The following WASF1 variants were observed in gnomAD, a reference collection of about 807,000 sequenced individuals.
WASF1 encodes actin-binding protein WASF1.
WASF1 carries 7 observed loss-of-function variants against 50.5 expected under a neutral mutation model. The ratio of observed to expected loss-of-function variants is 0.14; its 90% CI spans 0.08 to 0.26. The LOEUF (loss-of-function observed/expected upper bound fraction) is 0.26, where lower values mean the gene tolerates loss of function less well. Ranked by LOEUF, WASF1 falls within the 10% of genes least tolerant of loss-of-function variation. The probability of loss-of-function intolerance (pLI) is 1.00; values close to 1 mark genes in which losing one functional copy is unlikely to be tolerated. For synonymous variants in WASF1, 205 were observed against 244.0 expected (o/e 0.84, Z 1.49); for missense variants, 470 against 694.7 (o/e 0.68, Z 3.64).
intron 9 of WASF1, 147 bp downstream of exon 9, chr6:110,103,231 T>C (rs904136115): frequency 2.7e-6 from 2 of 735,192 alleles, no homozygotes; most frequent in Non-Finnish European, 4.3e-6. Context: ...GTATATTCTA[T>C]GGTGGCTTTC....
chr6:110,174,563 C>T (rs911516214), intron 2 of WASF1, among the ~76,000 whole-genome samples: 4 of 152,154 alleles, frequency 2.6e-5, no homozygotes, highest in Admixed American at 2.0e-4. Flanking sequence ...AGTTCTGAAA[C>T]AATCTGGGCT....
intron 2 of WASF1, among the ~76,000 whole-genome samples, chr6:110,173,238 T>A (rs2114626736): frequency 6.6e-6 from 1 of 152,226 alleles, no homozygotes; most frequent in Admixed American, 6.5e-5. Flanking sequence ...GTAACTTTAT[T>A]GGAGTAGACC....
intron 7 of WASF1, 49 bp from the exon 8 acceptor site, chr6:110,105,628 T>A: frequency 6.4e-7 from 1 of 1,562,368 alleles, no homozygotes; most frequent in Non-Finnish European, 8.7e-7. Flanking sequence ...CGCTAATTTT[T>A]AAAAAGGAGG....
intron 4 of WASF1, among the ~76,000 whole-genome samples, chr6:110,122,074 T>C (rs1774160945): frequency 6.6e-6 from 1 of 151,750 alleles, no homozygotes; most frequent in East Asian, 1.9e-4. Flanking sequence ...TAGGAAAAAA[T>C]ACCTAATGTA....
intron 8 of WASF1, among the ~76,000 whole-genome samples, chr6:110,104,261 C>T (rs760679095): frequency 2.5e-4 from 38 of 152,084 alleles, no homozygotes; most frequent in Non-Finnish European, 4.9e-4. Flanking sequence ...CACAGCAAGT[C>T]AGAAATTATT....
chr6:110,121,400 A>G (rs1774117858), intron 4 of WASF1, among the ~76,000 whole-genome samples: 1 of 152,254 alleles, frequency 6.6e-6, no homozygotes, highest in Non-Finnish European at 1.5e-5. Flanking sequence ...TCCCAAAAGA[A>G]GACATTTACA....
chr6:110,122,365 A>G (rs1206881895), intron 4 of WASF1, among the ~76,000 whole-genome samples: 1 of 152,218 alleles, frequency 6.6e-6, no homozygotes, highest in African/African-American at 2.4e-5. Flanking sequence ...GAACCCTTCT[A>G]TGATACAGTA....
intron 2 of WASF1, among the ~76,000 whole-genome samples, chr6:110,167,482 G>C (rs1433105492): frequency 6.6e-6 from 1 of 151,898 alleles, no homozygotes; most frequent in Non-Finnish European, 1.5e-5. Context: ...GTAGGCCTAG[G>C]ATAAGGTGTG....
chr6:110,147,214 C>T (rs912783126), intron 3 of WASF1, among the ~76,000 whole-genome samples: 6 of 151,208 alleles, frequency 4.0e-5, no homozygotes, highest in Non-Finnish European at 5.9e-5. Flanking sequence ...GGCGTGGTGG[C>T]GGGCGCCTGT....
chr6:110,113,150 C>A (rs73535808), intron 5 of WASF1, among the ~76,000 whole-genome samples, 176 bp downstream of exon 5: 3,976 of 151,956 alleles, frequency 0.026, 168 homozygotes, highest in African/African-American at 0.09. Flanking sequence ...AAAGAAAAGC[C>A]CGGAGAATCA....
chr6:110,154,882 T>C (rs1425081496), intron 3 of WASF1, among the ~76,000 whole-genome samples: 1 of 152,104 alleles, frequency 6.6e-6, no homozygotes, highest in East Asian at 1.9e-4. Context: ...GCCTGGATCT[T>C]ATGTAAAGTT....
At chr6:110,111,710 T>C (rs1228600200) in intron 5 of WASF1, among the ~76,000 whole-genome samples, 1 of 152,130 alleles carries the variant, frequency 6.6e-6, no homozygotes, top group Admixed American at 6.5e-5. Context: ...GACAGATCCA[T>C]ACAGACAAAT....
Position 110,101,713 on chromosome 6 carries a change from T to C in WASF1, c.1397A>G (p.His466Arg), listed in dbSNP as rs546806345. Residue 466 changes from histidine (H) to arginine (R), a missense_variant, in exon 10 of 11, where the codon CAT becomes CGT. By Grantham distance (29) the His-to-Arg change is conservative (BLOSUM62 0). Around this residue, in one of 3 missense-constraint regions of WASF1, gnomAD observed 294 missense variants for 343.5 expected, o/e 0.86. Coordinates refer to ENST00000392589, the MANE Select transcript of WASF1 (RefSeq NM_003931.3). ...HPTPSTAPGP[H>R]VPLMPPSPPS... ...AGGAGATGGAGGCATTAATGGAACA[T>C]GGGGACCTGGGGCAGTAGATGGAGT... 1 of 1,613,974 alleles carries C rather than the reference T, an allele frequency of 6.2e-7. No individual in the cohort carries two copies. Among genetic ancestry groups the C allele is most frequent in the East Asian group, 2.2e-5 (1 of 44,874 alleles).
intron 3 of WASF1, among the ~76,000 whole-genome samples, chr6:110,141,501 T>C (rs932967729): frequency 6.6e-6 from 1 of 152,166 alleles, no homozygotes; most frequent in African/African-American, 2.4e-5. Flanking sequence ...GCCCTCAACA[T>C]GGATCCACAA....
At chr6:110,130,855 T>C (rs892092761) in intron 3 of WASF1, among the ~76,000 whole-genome samples, 1 of 152,246 alleles carries the variant, frequency 6.6e-6, no homozygotes, top group Non-Finnish European at 1.5e-5. Context: ...CCATAACACT[T>C]GACACTGTCA....
chr6:110,109,153 T>G (rs1040458819), intron 5 of WASF1, among the ~76,000 whole-genome samples: 1 of 152,104 alleles, frequency 6.6e-6, no homozygotes, highest in Non-Finnish European at 1.5e-5. Context: ...ATACTATAAA[T>G]ATTGTATGTG....
intron 9 of WASF1, 47 bp downstream of exon 9, chr6:110,103,331 G>C (rs762793596): frequency 6.4e-7 from 1 of 1,570,588 alleles, no homozygotes; most frequent in Non-Finnish European, 8.7e-7. Context: ...GAAAGAAAAA[G>C]CTTACTGACT....
chr6:110,169,266 A>G (rs1776595382), intron 2 of WASF1, among the ~76,000 whole-genome samples: 1 of 152,140 alleles, frequency 6.6e-6, no homozygotes, highest in Non-Finnish European at 1.5e-5. Flanking sequence ...TCTGCCAGAC[A>G]GCTCCACAGG....
At chr6:110,107,490 A>C (rs1773372472) in intron 6 of WASF1, among the ~76,000 whole-genome samples, 2 of 152,352 alleles carry the variant, frequency 1.3e-5, no homozygotes, top group South Asian at 4.1e-4. Context: ...TCCTTTGGGC[A>C]ATTCCAATAA....
Sources: gnomAD v4.1 joint callset for allele counts (sites outside exome capture counted in the v4.1 genomes callset) on GRCh38, gnomAD v4.1.1 for gene constraint, gnomAD v4.1.1 regional missense constraint, MANE v1.5 for transcripts, NCBI Gene and HGNC (gene_info 2026-07-23, HGNC 2026-07-21) for gene names.